RIC3: variants seen among roughly 807,000 people sequenced by gnomAD.
RIC3 encodes the protein RIC3 acetylcholine receptor chaperone.
Under a neutral mutation model 27.3 loss-of-function variants are expected in RIC3, and 28 were observed. That is an observed-to-expected ratio of 1.02 (90% CI 0.76 to 1.41). RIC3 has a LOEUF of 1.41. Among genes scored for constraint, RIC3 ranks in the 40% most tolerant of loss-of-function variants. RIC3 has a pLI of 0.00. For synonymous variants in RIC3, 184 were observed against 160.4 expected, an observed-to-expected ratio of 1.15 and a Z score of -1.11; for missense variants, 501 against 444.7, an observed-to-expected ratio of 1.13 and a Z score of -1.14.
At chr11:8,096,700 T>C in the RIC3 span, 4 of 1,610,070 alleles carry the variant, frequency 2.5e-6, no homozygotes, top group Non-Finnish European at 3.4e-6. Context: ...TCCAGCAGCA[T>C]GAGCTTTGAC....
chr11:8,110,976 A>T lies in RIC3; in HGVS notation c.832T>A (p.Trp278Arg), dbSNP rs1945187048. The T allele has an allele frequency of 6.2e-7, 1 of 1,614,092 alleles. No homozygotes were observed. The highest frequency in any genetic ancestry group is 1.7e-5 in the Admixed American group (1 of 60,008). ...IEEEESDHLG[W>R]ESLPTDPRAQ... is the part of the protein sequence containing the mutation. ...CTGGGGTCAGTGGGCAGACTTTCCC[A>T]ACCCAAATGATCTGATTCTTCCTCT... The change falls in exon 6 of 6, where the codon TGG (tryptophan) becomes AGG (arginine). Residue 278 changes from tryptophan (W) to arginine (R), a missense_variant. Coordinates refer to ENST00000309737, the MANE Select transcript of RIC3 (RefSeq NM_001206671.4).
chr11:8,098,400 T>C, the RIC3 span, among the ~76,000 whole-genome samples: 3 of 152,134 alleles, frequency 2.0e-5, no homozygotes, highest in Admixed American at 2.0e-4. Context: ...GATCTCATCC[T>C]CTCTCCACGG....
At chr11:8,115,015 G>C (rs909315782) in intron 5 of RIC3, among the ~76,000 whole-genome samples, 1 of 152,044 alleles carries the variant, frequency 6.6e-6, no homozygotes, top group Non-Finnish European at 1.5e-5. Context: ...GGACACAAAG[G>C]GATAGAAAGC....
intron 1 of RIC3, among the ~76,000 whole-genome samples, chr11:8,145,321 C>G (rs1467792599): frequency 6.6e-6 from 1 of 151,884 alleles, no homozygotes; most frequent in African/African-American, 2.4e-5. Flanking sequence ...CTCTCCTTCT[C>G]TATGGGGCCA....
intron 5 of RIC3, among the ~76,000 whole-genome samples, chr11:8,124,463 C>T (rs962389291): frequency 6.6e-6 from 1 of 152,098 alleles, no homozygotes; most frequent in Non-Finnish European, 1.5e-5. Context: ...TTGATTCTTC[C>T]AAATTGATCT....
chr11:8,160,642 C>A (rs1590394987), intron 1 of RIC3, among the ~76,000 whole-genome samples: 1 of 152,118 alleles, frequency 6.6e-6, no homozygotes, highest in African/African-American at 2.4e-5. Context: ...GCAAAGTCAG[C>A]AAGGAAAATG....
rs796158730 is a variant in RIC3 at position 8,131,900 on chromosome 11, CAAAAAAAAAAAA to C, written c.522-5105_522-5094del. Among the ~76,000 whole-genome samples, 5 of 26,190 alleles carry C rather than the reference CAAAAAAAAAAAA, an allele frequency of 1.9e-4. 1 individual carries two copies. Among genetic ancestry groups the C allele is most frequent in the African/African-American group, 2.3e-4 (2 of 8,854 alleles). The allele number at this position is 26,190 out of a possible 152,430, so 17.2% of individuals were successfully genotyped here. On this transcript the variant is annotated intron_variant, in intron 4 of 5. Coordinates refer to ENST00000309737, the MANE Select transcript of RIC3 (RefSeq NM_001206671.4). ...TGGGTGACAGAGAGAGACTCCATCT[CAAAAAAAAAAAA>C]AAAAAAAAAAAAAAAGAATAGGTAT...
At chr11:8,117,109 C>T (rs974537062) in intron 5 of RIC3, among the ~76,000 whole-genome samples, 2 of 152,184 alleles carry the variant, frequency 1.3e-5, no homozygotes, top group African/African-American at 4.8e-5. Context: ...CACACTGTCA[C>T]CCAGGCTGGA....
chr11:8,098,251 T>C, the RIC3 span, among the ~76,000 whole-genome samples: 1 of 151,492 alleles, frequency 6.6e-6, no homozygotes, highest in African/African-American at 2.4e-5. Context: ...AGCCTAGGCC[T>C]CCAGGTGGGG....
At chr11:8,112,539 C>G (rs1945395160) in intron 5 of RIC3, among the ~76,000 whole-genome samples, 2 of 152,182 alleles carry the variant, frequency 1.3e-5, no homozygotes. Flanking sequence ...AGGTGATCCA[C>G]CCACCTCGGT....
chr11:8,155,764 T>G (rs1332023450), intron 1 of RIC3, among the ~76,000 whole-genome samples: 1 of 152,164 alleles, frequency 6.6e-6, no homozygotes, highest in African/African-American at 2.4e-5. Flanking sequence ...CTGGACATGT[T>G]TCTATTTTAA....
At position 8,138,379 on chromosome 11, in the gene RIC3, A is replaced by G. The variant is rs770980937; in HGVS notation, c.352-32T>C. 18 of 1,446,894 alleles carry G rather than the reference A, an allele frequency of 1.2e-5. No individual in the cohort carries two copies. In the South Asian group the frequency reaches 2.0e-4, roughly 16 times the overall value. 89.6% of individuals were successfully genotyped at this position (1,446,894 alleles called of 1,614,324 possible). On this transcript the variant is annotated intron_variant, in intron 2 of 5. Coordinates refer to ENST00000309737, the MANE Select transcript of RIC3 (RefSeq NM_001206671.4). ...ATTGAAGGAGGTATAGCACATCAAC[A>G]GCAGCTCAGAACCTCAGTCACGGAA...
the RIC3 span, chr11:8,098,680 C>A: frequency 9.0e-7 from 1 of 1,117,286 alleles, no homozygotes; most frequent in Non-Finnish European, 1.3e-6. Flanking sequence ...GCAGGCTCCT[C>A]ATAGGACAGA....
At chr11:8,143,332 T>G (rs1483101241) in intron 1 of RIC3, among the ~76,000 whole-genome samples, 1 of 151,638 alleles carries the variant, frequency 6.6e-6, no homozygotes, top group Non-Finnish European at 1.5e-5. Flanking sequence ...CAGCAAAGTC[T>G]CAGGATACAA....
intron 5 of RIC3, among the ~76,000 whole-genome samples, chr11:8,113,275 T>G (rs986566312): frequency 2.0e-5 from 3 of 152,138 alleles, no homozygotes; most frequent in African/African-American, 7.2e-5. Flanking sequence ...AAGCTTATCT[T>G]TGAATTTTCA....
At position 8,138,211 on chromosome 11, in the gene RIC3, T is replaced by C. The variant is rs373136618; in HGVS notation, c.427+61A>G. ...TTAAGACATACCCACAGACTGTCCC[T>C]GTGGCTATAAAACTGTTTGACTCAA... On this transcript the variant is annotated intron_variant, in intron 3 of 5. Coordinates refer to ENST00000309737, the MANE Select transcript of RIC3 (RefSeq NM_001206671.4). 1,063 of 1,180,020 alleles carry C rather than the reference T, an allele frequency of 9.0e-4. 5 individuals are homozygous for C. The highest frequency in any genetic ancestry group is 3.9e-3 in the African/African-American group (261 of 66,158). 73.1% of individuals were successfully genotyped at this position (1,180,020 alleles called of 1,614,324 possible).
intron 4 of RIC3, among the ~76,000 whole-genome samples, chr11:8,130,499 G>A (rs569849714): frequency 8.6e-5 from 13 of 152,028 alleles, no homozygotes; most frequent in African/African-American, 2.4e-4. Context: ...CTGCCTCCTC[G>A]TACTCCAAAT....
At position 8,129,140 on chromosome 11, in the gene RIC3, C is replaced by T. The variant is rs150246423; in HGVS notation, c.522-2333G>A. On this transcript the variant is annotated intron_variant, in intron 4 of 5. Coordinates refer to ENST00000309737, the MANE Select transcript of RIC3 (RefSeq NM_001206671.4). ...TTCATTCTTCTTGACTTCTCTATAC[C>T]ATAGACCATCCTCTGCTTGAAACCT... is the stretch of plus-strand genomic sequence containing the variant. 8.0e-3 allele frequency among the ~76,000 whole-genome samples: 1,210 copies of T among 151,936 alleles called. 18 individuals carry two copies. Among genetic ancestry groups the T allele is most frequent in the African/African-American group, 0.028 (1,168 of 41,462 alleles).
chr11:8,097,583 G>T, the RIC3 span: 2 of 1,313,942 alleles, frequency 1.5e-6, no homozygotes, highest in Non-Finnish European at 1.1e-6. Context: ...GTGTTTTCCA[G>T]TGCATTTGTG....
Sources: allele counts gnomAD v4.1 joint callset (sites outside exome capture counted in the v4.1 genomes callset), GRCh38; gene constraint gnomAD v4.1.1; transcripts MANE v1.5; gene names NCBI Gene and HGNC (gene_info 2026-07-23, HGNC 2026-07-21).